Variants in ELOVL7 observed in about 807,000 individuals in gnomAD.
The protein encoded by ELOVL7 is ELOVL fatty acid elongase 7.
Under a neutral mutation model 35.7 loss-of-function variants are expected in ELOVL7, and 27 were observed. That is an observed-to-expected ratio of 0.76 (90% CI 0.56 to 1.04). ELOVL7 has a LOEUF of 1.04. Ranked by LOEUF, ELOVL7 falls within the 50% of genes least tolerant of loss-of-function variation. The pLI, the probability that ELOVL7 is intolerant of heterozygous loss-of-function variation, is 0.00. For synonymous variants in ELOVL7, 113 were observed against 114.6 expected, an observed-to-expected ratio of 0.99 and a Z score of 0.09; for missense variants, 327 against 340.8, an observed-to-expected ratio of 0.96 and a Z score of 0.32.
chr5:60,836,195 A>G lies in ELOVL7; in HGVS notation c.-86+7965T>C, dbSNP rs1399436771. 2.0e-5 allele frequency among the ~76,000 whole-genome samples: 3 copies of G among 152,056 alleles called. 1 individual carries two copies. The highest frequency in any genetic ancestry group is 7.3e-5 in the African/African-American group (3 of 41,286). ...AAACACTGACTATATTTTATGTTAA[A>G]TATCACATCCACTACCATTTTTTTC... On this transcript the variant is annotated intron_variant, in intron 1 of 8. Coordinates refer to ENST00000508821, the MANE Select transcript of ELOVL7 (RefSeq NM_024930.3).
chr5:60,785,604 C>G (rs575538637), intron 3 of ELOVL7, among the ~76,000 whole-genome samples: 1 of 152,216 alleles, frequency 6.6e-6, no homozygotes, highest in South Asian at 2.1e-4. Flanking sequence ...TGTAGCAAGG[C>G]ACACCTCTCC....
intron 1 of ELOVL7, among the ~76,000 whole-genome samples, chr5:60,834,318 C>T (rs1188189721): frequency 4.6e-5 from 7 of 151,954 alleles, no homozygotes; most frequent in Non-Finnish European, 7.4e-5. Context: ...ATTTTGTTTT[C>T]GTATTTTTAG....
chr5:60,784,189 C>G, intron 3 of ELOVL7: 4 of 1,443,368 alleles, frequency 2.8e-6, no homozygotes, highest in Non-Finnish European at 3.7e-6. Flanking sequence ...CTTTAAGATT[C>G]CAAGTACTAA....
At chr5:60,807,094 A>C (rs1374345761) in intron 1 of ELOVL7, among the ~76,000 whole-genome samples, 1 of 152,130 alleles carries the variant, frequency 6.6e-6, no homozygotes, top group Non-Finnish European at 1.5e-5. Flanking sequence ...GGGGATGCAA[A>C]AGAGCCTGAG....
intron 1 of ELOVL7, among the ~76,000 whole-genome samples, chr5:60,803,419 T>G (rs2112294613): frequency 1.3e-5 from 2 of 152,350 alleles, no homozygotes; most frequent in Admixed American, 1.3e-4. Flanking sequence ...CCAAGTGATC[T>G]CTACCTTTCC....
At chr5:60,795,830 G>A (rs1744223984) in intron 2 of ELOVL7, among the ~76,000 whole-genome samples, 1 of 120,142 alleles carries the variant, frequency 8.3e-6, no homozygotes, top group South Asian at 2.5e-4. Context: ...TCTCTTCCGT[G>A]ACCCACGGCT....
intron 1 of ELOVL7, among the ~76,000 whole-genome samples, chr5:60,829,500 AT>A (rs1216666373): frequency 6.6e-6 from 1 of 152,226 alleles, no homozygotes; most frequent in Non-Finnish European, 1.5e-5. Flanking sequence ...ATCTGTCTAT[AT>A]CATAAATCCC....
intron 2 of ELOVL7, among the ~76,000 whole-genome samples, chr5:60,793,353 C>T (rs1033630343): frequency 2.0e-5 from 3 of 152,074 alleles, no homozygotes; most frequent in Admixed American, 6.6e-5. Flanking sequence ...GAAAAATGGG[C>T]TCATGAGACT....
At chr5:60,808,688 T>C (rs1453857295) in intron 1 of ELOVL7, among the ~76,000 whole-genome samples, 1 of 152,234 alleles carries the variant, frequency 6.6e-6, no homozygotes, top group Non-Finnish European at 1.5e-5. Context: ...TATAGTGACT[T>C]TATTCATAGT....
At chr5:60,790,170 T>C (rs565790289) in intron 2 of ELOVL7, among the ~76,000 whole-genome samples, 19 of 151,848 alleles carry the variant, frequency 1.3e-4, no homozygotes, top group African/African-American at 4.6e-4. Context: ...ACAAAGAAAG[T>C]ACAAAATTTA....
In ELOVL7 at chr5:60,840,161, C is replaced by A. The variant is rs573077331; in HGVS notation, c.-86+3999G>T. Among the ~76,000 whole-genome samples the A allele has an allele frequency of 4.6e-5, 7 of 152,142 alleles. No individual in the cohort carries two copies. The South Asian group carries it at 1.5e-3, about 32-fold the overall frequency. Reference sequence around the variant, plus strand: ...CTTTCTTTTATGCACATTTGAAAACCCTATGGCAGGTTGAATTGTGTGCCC... The same window carrying A: ...CTTTCTTTTATGCACATTTGAAAACACTATGGCAGGTTGAATTGTGTGCCC... On this transcript the variant is annotated intron_variant, in intron 1 of 8. Transcript: ENST00000508821.
At chr5:60,779,624 CAAA>C (rs1241141621) in intron 3 of ELOVL7, among the ~76,000 whole-genome samples, 1 of 152,096 alleles carries the variant, frequency 6.6e-6, no homozygotes, top group Non-Finnish European at 1.5e-5. Flanking sequence ...GGCCCAGCCC[CAAA>C]AACCATGTTT....
chr5:60,756,736 C>A (rs1253000889), intron 8 of ELOVL7, among the ~76,000 whole-genome samples: 1 of 152,110 alleles, frequency 6.6e-6, no homozygotes, highest in African/African-American at 2.4e-5. Context: ...ACCACGCCAT[C>A]TAAACCAAAT....
At chr5:60,828,669 TAAAG>T (rs1389152399) in intron 1 of ELOVL7, among the ~76,000 whole-genome samples, 1 of 152,126 alleles carries the variant, frequency 6.6e-6, no homozygotes, top group Non-Finnish European at 1.5e-5. Flanking sequence ...ACCATGAGAA[TAAAG>T]AAATAGCAAA....
chr5:60,841,725 CG>C (rs1370378462), intron 1 of ELOVL7, among the ~76,000 whole-genome samples: 1 of 152,110 alleles, frequency 6.6e-6, no homozygotes, highest in Non-Finnish European at 1.5e-5. Flanking sequence ...GTATGTGCTA[CG>C]TTTTTCAATA....
intron 4 of ELOVL7, among the ~76,000 whole-genome samples, chr5:60,770,534 G>C (rs1742516749): frequency 6.6e-6 from 1 of 152,104 alleles, no homozygotes; most frequent in Non-Finnish European, 1.5e-5. Flanking sequence ...ACCATGCTAG[G>C]ACCTTGTGTT....
At chr5:60,792,940 C>A (rs1373967623) in intron 2 of ELOVL7, among the ~76,000 whole-genome samples, 1 of 152,186 alleles carries the variant, frequency 6.6e-6, no homozygotes. Flanking sequence ...ATCCCTGCCT[C>A]ATCCGAGGTC....
chr5:60,843,820 C>T (rs574654068), intron 1 of ELOVL7, among the ~76,000 whole-genome samples: 1 of 151,984 alleles, frequency 6.6e-6, no homozygotes, highest in African/African-American at 2.4e-5. Flanking sequence ...GCGCGCCCAC[C>T]GGGCCCGACC....
intron 1 of ELOVL7, among the ~76,000 whole-genome samples, chr5:60,819,396 C>T (rs905846352): frequency 6.6e-6 from 1 of 152,038 alleles, no homozygotes; most frequent in Non-Finnish European, 1.5e-5. Flanking sequence ...TGATCTATCT[C>T]GGTTCCCATT....
Sources: allele counts gnomAD v4.1 joint callset (sites outside exome capture counted in the v4.1 genomes callset), GRCh38; gene constraint gnomAD v4.1.1; transcripts MANE v1.5; gene names NCBI Gene and HGNC (gene_info 2026-07-23, HGNC 2026-07-21).